ZNF516: variants seen among roughly 807,000 people sequenced by gnomAD.
ZNF516 encodes zinc finger protein 516.
Under a neutral mutation model 79.7 loss-of-function variants are expected in ZNF516, and 19 were observed. The ratio of observed to expected loss-of-function variants is 0.24; its 90% CI spans 0.17 to 0.35. The LOEUF is 0.35. Among genes scored for constraint, ZNF516 ranks in the 10% least tolerant of loss-of-function variants. The pLI, the probability that ZNF516 is intolerant of heterozygous loss-of-function variation, is 1.00. For missense variants in ZNF516, 1,678 were observed against 1,679.5 expected (o/e 1.00, Z 0.02); for synonymous variants, 877 against 739.5 (o/e 1.19, Z -3.02).
rs149459606 is a variant in ZNF516, at chr18:76,395,874, G to T, written c.1811-15571C>A. 1.8e-3 allele frequency among the ~76,000 whole-genome samples: 267 copies of T among 152,324 alleles called. 1 individual carries two copies. Among genetic ancestry groups the T allele is most frequent in the African/African-American group, 5.9e-3 (246 of 41,552 alleles). Reference sequence around the variant, plus strand: ...CAGGAGCCAAGTGTTTCAGGGACAGGACCCCGCTCCTCGTCCAGCTCCCCA... The same window carrying T: ...CAGGAGCCAAGTGTTTCAGGGACAGTACCCCGCTCCTCGTCCAGCTCCCCA... On this transcript the variant is annotated intron_variant, in intron 3 of 6. Coordinates refer to ENST00000443185, the MANE Select transcript of ZNF516 (RefSeq NM_014643.4).
chr18:76,454,442 T>TGGGAAAG (rs1912600893), intron 2 of ZNF516, among the ~76,000 whole-genome samples: 1 of 152,240 alleles, frequency 6.6e-6, no homozygotes, highest in African/African-American at 2.4e-5. Flanking sequence ...GACAAATCTT[T>TGGGAAAG]CCCAAATGCT....
At chr18:76,491,684 G>A in intron 1 of ZNF516, 1 of 294,466 alleles carries the variant, frequency 3.4e-6, no homozygotes, top group Non-Finnish European at 4.9e-6. Flanking sequence ...ACCCCGGGGC[G>A]GGCAGGTGAG....
chr18:76,492,678 G>A, intron 1 of ZNF516: 7 of 977,230 alleles, frequency 7.2e-6, no homozygotes, highest in Non-Finnish European at 8.5e-6. Context: ...CAGGCACCAA[G>A]GCCAGAGAAA....
At chr18:76,426,234 C>A (rs1485991593) in intron 3 of ZNF516, among the ~76,000 whole-genome samples, 1 of 152,164 alleles carries the variant, frequency 6.6e-6, no homozygotes, top group Non-Finnish European at 1.5e-5. Flanking sequence ...TCTGAAGGGT[C>A]TCCCCTCCTC....
At chr18:76,492,848 T>G in intron 1 of ZNF516, 2 of 985,900 alleles carry the variant, frequency 2.0e-6, no homozygotes, top group South Asian at 9.4e-5. Flanking sequence ...TGCGTGCCCA[T>G]GTAGCCGAAC....
chr18:76,451,629 G>A lies in ZNF516; in HGVS notation c.-157-8418C>T, dbSNP rs149691726. Among the ~76,000 whole-genome samples, 10 of 152,322 alleles carry A rather than the reference G, an allele frequency of 6.6e-5. No individual in the cohort carries two copies. The highest frequency in any genetic ancestry group is 1.3e-4 in the Admixed American group (2 of 15,312). ...CGGCCACAGCTACTACGGGGTCGGC[G>A]CAGAAGCCCGTGCGTGTGCTGAGTG... On this transcript the variant is annotated intron_variant, in intron 2 of 6. Transcript: ENST00000443185. This position sits in a 1 kb window ranked among gnomAD's most constrained non-coding sequence, Gnocchi z 6.0.
chr18:76,477,830 TAAG>T (rs1053629611), intron 1 of ZNF516, among the ~76,000 whole-genome samples: 9 of 152,038 alleles, frequency 5.9e-5, no homozygotes, highest in African/African-American at 2.2e-4. Flanking sequence ...TCATCTCCTT[TAAG>T]AAGATGCTTT....
intron 4 of ZNF516, among the ~76,000 whole-genome samples, chr18:76,371,841 G>A (rs2074713200): frequency 1.3e-5 from 2 of 152,214 alleles, no homozygotes; most frequent in South Asian, 2.1e-4. Flanking sequence ...CAGGCAGCAC[G>A]TCGGGCTGTG....
chr18:76,380,402 T>C (rs1229985791), intron 3 of ZNF516, 99 bp from the exon 4 acceptor site: 1 of 1,473,456 alleles, frequency 6.8e-7, no homozygotes, highest in East Asian at 2.4e-5. Flanking sequence ...AAGCCATCTG[T>C]CTTCAGCGGG....
At chr18:76,478,647 A>C (rs1037217961) in intron 1 of ZNF516, among the ~76,000 whole-genome samples, 1 of 152,254 alleles carries the variant, frequency 6.6e-6, no homozygotes, top group Non-Finnish European at 1.5e-5. Context: ...AAAAGCAGAA[A>C]AACTTTTTCT....
intron 2 of ZNF516, among the ~76,000 whole-genome samples, chr18:76,445,616 A>G (rs138110618): frequency 0.018 from 2,706 of 152,350 alleles, 31 homozygotes; most frequent in Middle Eastern, 0.027. Context: ...AAGAAAAGAA[A>G]AACAACTAAA....
At chr18:76,414,088 G>A (rs1479133986) in intron 3 of ZNF516, among the ~76,000 whole-genome samples, 2 of 152,166 alleles carry the variant, frequency 1.3e-5, no homozygotes, top group East Asian at 3.9e-4. Flanking sequence ...CTTTAAAACT[G>A]TATTTCTTAC....
chr18:76,424,031 T>G (rs1599065563), intron 3 of ZNF516, among the ~76,000 whole-genome samples: 1 of 93,474 alleles, frequency 1.1e-5, no homozygotes, highest in African/African-American at 4.5e-5. Context: ...CACACGCAGG[T>G]GAAAGGGTCC....
At chr18:76,444,390 G>A (rs902241217) in intron 2 of ZNF516, among the ~76,000 whole-genome samples, 3 of 152,216 alleles carry the variant, frequency 2.0e-5, no homozygotes, top group South Asian at 4.1e-4. Context: ...ACCCAGATGG[G>A]CCATGTTCTG....
intron 1 of ZNF516, among the ~76,000 whole-genome samples, chr18:76,471,322 A>G (rs1454125075): frequency 6.6e-6 from 1 of 152,024 alleles, no homozygotes; most frequent in African/African-American, 2.4e-5. Flanking sequence ...AAAAGGTGAC[A>G]GAATGGATTG....
At chr18:76,464,046 G>A (rs1284683354) in intron 1 of ZNF516, among the ~76,000 whole-genome samples, 8 of 152,178 alleles carry the variant, frequency 5.3e-5, no homozygotes, top group African/African-American at 9.6e-5. Flanking sequence ...ACTCAAGGCC[G>A]GGCGCGGGTG....
chr18:76,441,611 T>C lies in ZNF516; in HGVS notation c.1444A>G (p.Ser482Gly). 1.3e-6 allele frequency: 2 copies of C among 1,488,134 alleles called. No homozygotes were observed. The allele number at this position is 1,488,134 out of a possible 1,614,324, so 92.2% of individuals were successfully genotyped here. Residue 482 changes from serine (S) to glycine (G), a missense_variant, in exon 3 of 7, where the codon AGC becomes GGC. Coordinates refer to ENST00000443185, the MANE Select transcript of ZNF516 (RefSeq NM_014643.4). Reference protein sequence around the residue: ...AAQGPPRKRASGPGDPAPAGH... With the variant: ...AAQGPPRKRAGGPGDPAPAGH... ...GCGGGCGCGGGGTCCCCAGGCCCGC[T>C]CGCGCGCTTCCGCGGGGGCCCCTGC...
At chr18:76,414,317 A>T (rs2075406904) in intron 3 of ZNF516, among the ~76,000 whole-genome samples, 1 of 152,240 alleles carries the variant, frequency 6.6e-6, no homozygotes. Context: ...AATCTTATTT[A>T]AAGTTGGGAT....
intron 2 of ZNF516, among the ~76,000 whole-genome samples, chr18:76,458,718 C>A (rs1474246078): frequency 7.2e-6 from 1 of 138,152 alleles, no homozygotes; most frequent in Non-Finnish European, 1.5e-5. Context: ...CACCGTCGTG[C>A]GTGTGCATGC....
Sources: allele counts gnomAD v4.1 joint callset (sites outside exome capture counted in the v4.1 genomes callset), GRCh38; gene constraint gnomAD v4.1.1; non-coding constraint Gnocchi (gnomAD v3.1); transcripts MANE v1.5; gene names NCBI Gene and HGNC (gene_info 2026-07-23, HGNC 2026-07-21).